TRPM1: variants seen among roughly 807,000 people sequenced by gnomAD.
The protein encoded by TRPM1 is TRPM1-203 APA Isoform, Intron 10.
In TRPM1, 113 loss-of-function variants were observed where a neutral mutation model predicts 149.4. The observed-to-expected ratio is 0.76, with a 90% confidence interval of 0.65 to 0.88. The LOEUF is 0.88. TRPM1 is among the 40% of genes least tolerant of loss of function. TRPM1 has a pLI of 0.00. For missense variants in TRPM1, 1,976 were observed against 2,038.7 expected (o/e 0.97, Z 0.59); for synonymous variants, 741 against 759.5 (o/e 0.98, Z 0.40).
intron 1 of TRPM1, among the ~76,000 whole-genome samples, chr15:31,153,234 C>G (rs1005030163): frequency 3.3e-5 from 5 of 152,212 alleles, no homozygotes; most frequent in African/African-American, 9.7e-5. Flanking sequence ...AATCTATTCT[C>G]TCTGAAGCTG....
At position 31,156,183 on chromosome 15, in the gene TRPM1, C is replaced by T. The variant is rs531447677; in HGVS notation, c.54+4723G>A. Among the ~76,000 whole-genome samples, 84 of 108,786 alleles carry T rather than the reference C, an allele frequency of 7.7e-4. 1 individual carries two copies. Among genetic ancestry groups the T allele is most frequent in the African/African-American group, 2.9e-3 (78 of 27,164 alleles). 71.4% of individuals were successfully genotyped at this position (108,786 alleles called of 152,430 possible). A position where few individuals can be genotyped will look rare whatever the true frequency, so the allele number is the denominator to read the frequency against. ...CTGCACTCCAGGCTGGGTGACAGAG[C>T]GAGACCTCTGTCAAAAAAAAAAAAA... On this transcript the variant is annotated intron_variant, in intron 1 of 26. Transcript: ENST00000542188.
chr15:31,159,310 G>T (rs1567085595), intron 1 of TRPM1, among the ~76,000 whole-genome samples: 1 of 152,150 alleles, frequency 6.6e-6, no homozygotes, highest in African/African-American at 2.4e-5. Context: ...CTGGGCACAG[G>T]TGAACAGGTG....
At chr15:31,044,780 C>CA (rs58619377) in intron 16 of TRPM1, among the ~76,000 whole-genome samples, 4,375 of 68,868 alleles carry the variant, frequency 0.064, 139 homozygotes, top group African/African-American at 0.11. Flanking sequence ...GACTCCTACT[C>CA]AAAAAAAAAA....
chr15:31,051,567 C>T (rs1445105979), intron 11 of TRPM1, among the ~76,000 whole-genome samples: 2 of 152,234 alleles, frequency 1.3e-5, no homozygotes, highest in Admixed American at 1.3e-4. Context: ...GCATCACAAG[C>T]TCCCAGCTTT....
intron 27 of TRPM1, among the ~76,000 whole-genome samples, chr15:31,011,666 C>CA (rs2032188224): frequency 7.2e-6 from 1 of 138,892 alleles, no homozygotes; most frequent in Non-Finnish European, 1.6e-5. Flanking sequence ...ATGCCAATTA[C>CA]TTTTTTTTTT....
At position 31,026,859 on chromosome 15, in the gene TRPM1, A is replaced by G. The variant is rs1309665960; in HGVS notation, c.3496+56T>C. On this transcript the variant is annotated intron_variant, in intron 26 of 27. Coordinates refer to ENST00000256552, the MANE Select transcript of TRPM1 (RefSeq NM_001252024.2). ...AGTGAGATTTCTGTGAGGATGTCCA[A>G]TTTGAACACTATTTTGAAATCAGCC... 3.2e-6 allele frequency: 5 copies of G among 1,578,832 alleles called. No homozygotes were observed. In the East Asian group the frequency reaches 8.9e-5, roughly 28 times the overall value.
At chr15:31,051,040 G>A (rs2033936136) in intron 11 of TRPM1, among the ~76,000 whole-genome samples, 1 of 152,236 alleles carries the variant, frequency 6.6e-6, no homozygotes, top group Admixed American at 6.5e-5. Flanking sequence ...ACAATGGATA[G>A]AACTGAGGAT....
intron 1 of TRPM1, among the ~76,000 whole-genome samples, chr15:31,085,963 C>T (rs2034990098): frequency 6.6e-6 from 1 of 152,150 alleles, no homozygotes; most frequent in African/African-American, 2.4e-5. Flanking sequence ...GTAGGATGTC[C>T]TGGAAGGAAG....
intron 1 of TRPM1, among the ~76,000 whole-genome samples, chr15:31,140,862 C>T (rs1489568958): frequency 6.6e-6 from 1 of 152,166 alleles, no homozygotes; most frequent in Non-Finnish European, 1.5e-5. Flanking sequence ...TGCTCTGTTG[C>T]CCAGGCTGGA....
Position 31,060,585 on chromosome 15 carries a change from T to A in TRPM1, c.1222A>T (p.Ile408Leu), listed in dbSNP as rs188790896. 4 of 1,614,250 alleles carry A rather than the reference T, an allele frequency of 2.5e-6. No homozygotes were observed. The highest frequency in any genetic ancestry group is 2.5e-6 in the Non-Finnish European group (3 of 1,180,040). ...AAGACAAAGATCTGGCTTCGTGCTA[T>A]GTCCACGCGGTTCCAAGCCAGTGCC... The part of the protein sequence containing the change: ...SLALAWNRVD[I>L]ARSQIFVFGP... The change falls in exon 11 of 28, where the codon ATA becomes TTA. Residue 408 changes from isoleucine to leucine, a missense_variant. Physicochemically the swap from Ile to Leu is conservative, Grantham distance 5. Transcript: ENST00000256552.
Position 31,064,959 on chromosome 15 carries a change from G to C in TRPM1, c.790+1117C>G. Reference sequence around the variant, plus strand: ...GATATTTTCAATCTTTAGGAATATGGTGGCCAAATCACCTTCTTTTCGAGC... The same window carrying C: ...GATATTTTCAATCTTTAGGAATATGCTGGCCAAATCACCTTCTTTTCGAGC... On this transcript the variant is annotated intron_variant, in intron 7 of 27. Transcript: ENST00000256552. 3 of 481,130 alleles carry C rather than the reference G, an allele frequency of 6.2e-6. No homozygotes were observed. In the Admixed American group the frequency reaches 7.0e-5, roughly 11 times the overall value. The allele number at this position is 481,130 out of a possible 1,614,324, so 29.8% of individuals were successfully genotyped here.
chr15:31,152,941 C>A (rs375307254), intron 1 of TRPM1, among the ~76,000 whole-genome samples: 1 of 152,176 alleles, frequency 6.6e-6, no homozygotes, highest in African/African-American at 2.4e-5. Context: ...CTGCACCCAG[C>A]CTAAAACAGA....
chr15:31,033,847 G>A (rs1350665146), intron 21 of TRPM1, among the ~76,000 whole-genome samples: 1 of 152,214 alleles, frequency 6.6e-6, no homozygotes, highest in African/African-American at 2.4e-5. Flanking sequence ...AATACCAGTT[G>A]CAGCACCTGC....
chr15:31,065,987 T>C, intron 7 of TRPM1, 89 bp downstream of exon 7: 1 of 1,482,904 alleles, frequency 6.7e-7, no homozygotes, highest in Non-Finnish European at 9.2e-7. Flanking sequence ...AATCTTCTAA[T>C]CCCCTTGGGC....
At chr15:31,014,713 C>T (rs1422117277) in intron 27 of TRPM1, among the ~76,000 whole-genome samples, 1 of 152,012 alleles carries the variant, frequency 6.6e-6, no homozygotes, top group African/African-American at 2.4e-5. Flanking sequence ...CATTCAATGC[C>T]TTTGGTATGT....
At chr15:31,016,962 T>C (rs2032375174) in intron 27 of TRPM1, among the ~76,000 whole-genome samples, 1 of 89,414 alleles carries the variant, frequency 1.1e-5, no homozygotes, top group African/African-American at 3.9e-5. Flanking sequence ...AAACCTGGCG[T>C]ACACACACAC....
intron 1 of TRPM1, among the ~76,000 whole-genome samples, chr15:31,154,077 C>T (rs1241530673): frequency 1.3e-5 from 2 of 152,220 alleles, no homozygotes; most frequent in African/African-American, 4.8e-5. Context: ...TACATTTAGA[C>T]CTAATTTTAG....
chr15:31,055,585 G>A (rs1187509322), intron 11 of TRPM1, among the ~76,000 whole-genome samples: 1 of 152,172 alleles, frequency 6.6e-6, no homozygotes, highest in Non-Finnish European at 1.5e-5. Context: ...GGTGGGTGCA[G>A]AGCAAGCAAC....
Position 31,081,394 on chromosome 15 carries a change from C to A in TRPM1, c.-39G>T. The A allele has an allele frequency of 6.5e-7, 1 of 1,535,094 alleles. No individual in the cohort carries two copies. The highest frequency in any genetic ancestry group is 1.4e-5 in the African/African-American group (1 of 73,140). On this transcript the variant is annotated 5_prime_UTR_variant, in exon 2 of 28. Transcript: ENST00000256552. The stretch of plus-strand genomic sequence containing the variant: ...GTTGATATAAGGAAATAGCCTCAGT[C>A]CAGCACTGCAAGTTACTGCTGAGTC...
Sources: gnomAD v4.1 joint callset for allele counts (sites outside exome capture counted in the v4.1 genomes callset) on GRCh38, gnomAD v4.1.1 for gene constraint, MANE v1.5 for transcripts, NCBI Gene and HGNC (gene_info 2026-07-23, HGNC 2026-07-21) for gene names.